Variants in CDC14C observed in about 807,000 individuals in gnomAD.
CDC14C encodes dual specificity protein phosphatase CDC14C.
CDC14C carries 19 observed loss-of-function variants against 26.9 expected under a neutral mutation model. That is an observed-to-expected ratio of 0.71 (90% CI 0.49 to 1.04). The LOEUF (loss-of-function observed/expected upper bound fraction) is 1.04, where lower values mean the gene tolerates loss of function less well. Ranked by LOEUF, CDC14C falls within the 50% of genes least tolerant of loss-of-function variation. The pLI is 0.00. For missense variants in CDC14C, 423 were observed against 520.0 expected (o/e 0.81, Z 1.81); for synonymous variants, 185 against 180.1 (o/e 1.03, Z -0.22).
In CDC14C at chr7:48,924,625, C is replaced by T. The variant is rs1798849776; in HGVS notation, c.-48C>T. On this transcript the variant is annotated 5_prime_UTR_variant, in exon 1 of 1. Transcript: ENST00000650262. The stretch of plus-strand genomic sequence containing the variant: ...GGGGCGGTCGAGCTGGGCCGCCGCG[C>T]CCCACTGCTCGCCGCGCTGCTCTTT... The T allele has an allele frequency of 3.0e-6, 3 of 1,002,334 alleles. No homozygotes were observed. Among genetic ancestry groups the T allele is most frequent in the African/African-American group, 1.6e-5 (1 of 62,214 alleles). 62.1% of individuals were successfully genotyped at this position (1,002,334 alleles called of 1,614,324 possible).
Position 48,926,027 on chromosome 7 carries a change from T to C in CDC14C, c.*11T>C. ...ATCCTGCTATTCTGACTCAAAGATT[T>C]CAGAACATAGTAGCCATCAGGACCC... On this transcript the variant is annotated 3_prime_UTR_variant, in exon 1 of 1. Transcript: ENST00000650262. The C allele has an allele frequency of 1.3e-6, 1 of 744,622 alleles. No homozygotes were observed. 46.1% of individuals were successfully genotyped at this position (744,622 alleles called of 1,614,324 possible).
In CDC14C at chr7:48,926,775, A is replaced by G. The variant is rs1798899071; in HGVS notation, c.*759A>G. Among the ~76,000 whole-genome samples, 6 of 148,356 alleles carry G rather than the reference A, an allele frequency of 4.0e-5. No individual in the cohort carries two copies. The South Asian group carries it at 1.3e-3, about 32-fold the overall frequency. ...TTTATTTATGGCCAGTTTTGGGGCCAGTTTATGGCTGGATTTTGGGGGGCT... is the reference window on the plus strand; with the variant it reads ...TTTATTTATGGCCAGTTTTGGGGCCGGTTTATGGCTGGATTTTGGGGGGCT... On this transcript the variant is annotated 3_prime_UTR_variant, in exon 1 of 1. Transcript: ENST00000650262.
chr7:48,924,861 T>C lies in CDC14C; in HGVS notation c.189T>C (p.Asn63=). 6.9e-7 allele frequency: 1 copy of C among 1,457,758 alleles called. No individual in the cohort carries two copies. Among genetic ancestry groups the C allele is most frequent in the Non-Finnish European group, 9.6e-7 (1 of 1,037,550 alleles). The allele number at this position is 1,457,758 out of a possible 1,614,324, so 90.3% of individuals were successfully genotyped here. ...TCTCCGAAGACTTTGGACCACTCAA[T>C]CTGGCAATGGTTTACAGATATTGTT... is the stretch of plus-strand genomic sequence containing the variant. ...ENFSEDFGPL[N]LAMVYRYCCK... The change falls in exon 1 of 1, where the codon AAT becomes AAC. Residue 63 remains asparagine (N), a synonymous_variant. Transcript: ENST00000650262.
Position 48,925,070 on chromosome 7 carries a change from T to G in CDC14C, c.398T>G (p.Ile133Ser), listed in dbSNP as rs1449155557. Residue 133 changes from isoleucine (I) to serine (S), a missense_variant, in exon 1 of 1, where the codon ATT becomes AGT. Ile to Ser is a moderately radical substitution (Grantham distance 142, BLOSUM62 -2). Coordinates refer to ENST00000650262, the MANE Select transcript of CDC14C (RefSeq NM_152627.3). Reference protein sequence around the residue: ...RILIFGDTPYIPFRDAAYGSC... With the variant: ...RILIFGDTPYSPFRDAAYGSC... Reference sequence around the variant, plus strand: ...TTAATCTTTGGAGATACACCCTATATTCCTTTCAGAGATGCTGCCTATGGA... The same window carrying G: ...TTAATCTTTGGAGATACACCCTATAGTCCTTTCAGAGATGCTGCCTATGGA... 6.6e-7 allele frequency: 1 copy of G among 1,520,860 alleles called. No homozygotes were observed. The allele number at this position is 1,520,860 out of a possible 1,614,324, so 94.2% of individuals were successfully genotyped here. A position where few individuals can be genotyped will look rare whatever the true frequency, so the allele number is the denominator to read the frequency against.
Position 48,925,148 on chromosome 7 carries a change from C to G in CDC14C, c.476C>G (p.Ala159Gly). 1 of 1,532,464 alleles carries G rather than the reference C, an allele frequency of 6.5e-7. No individual in the cohort carries two copies. Among genetic ancestry groups the G allele is most frequent in the Non-Finnish European group, 9.0e-7 (1 of 1,105,732 alleles). 94.9% of individuals were successfully genotyped at this position (1,532,464 alleles called of 1,614,324 possible). A position where few individuals can be genotyped will look rare whatever the true frequency, so the allele number is the denominator to read the frequency against. ...LLDCFHAVKKAMQYGFLNFNS... is the reference protein window; with the variant it reads ...LLDCFHAVKKGMQYGFLNFNS... ...GACTGTTTTCATGCAGTAAAGAAGG[C>G]AATGCAGTATGGCTTCCTTAATTTC... The change falls in exon 1 of 1, where the codon GCA becomes GGA. Residue 159 changes from alanine (A) to glycine (G), a missense_variant. By Grantham distance (60) the Ala-to-Gly change is moderately conservative. Around this residue, in one of 3 missense-constraint regions of CDC14C, gnomAD observed 310 missense variants for 356.8 expected, o/e 0.87. Transcript: ENST00000650262.
chr7:48,924,599 A>G lies in CDC14C; in HGVS notation c.-74A>G, dbSNP rs567564540. On this transcript the variant is annotated 5_prime_UTR_variant, in exon 1 of 1. Coordinates refer to ENST00000650262, the MANE Select transcript of CDC14C (RefSeq NM_152627.3). ...GCGGCCTCCAGGAAGCGGAAAAGCA[A>G]GGGGCGGTCGAGCTGGGCCGCCGCG... 3 of 854,330 alleles carry G rather than the reference A, an allele frequency of 3.5e-6. No homozygotes were observed. The South Asian group carries it at 4.7e-5, about 13-fold the overall frequency. The allele number at this position is 854,330 out of a possible 1,614,324, so 52.9% of individuals were successfully genotyped here. A position where few individuals can be genotyped will look rare whatever the true frequency, so the allele number is the denominator to read the frequency against.
At position 48,926,100 on chromosome 7, in the gene CDC14C, G is replaced by T. The variant is rs187491647; in HGVS notation, c.*84G>T. ...CCATTTCAAGGACTAAAATGGTTTT[G>T]CATTAAGTAAAAACCTGTGACCAGA... On this transcript the variant is annotated 3_prime_UTR_variant, in exon 1 of 1. Transcript: ENST00000650262. The T allele has an allele frequency of 5.2e-4, 367 of 712,368 alleles. 1 individual carries two copies. In the African/African-American group the frequency reaches 5.8e-3, roughly 11 times the overall value. 44.1% of individuals were successfully genotyped at this position (712,368 alleles called of 1,614,324 possible). A position where few individuals can be genotyped will look rare whatever the true frequency, so the allele number is the denominator to read the frequency against.
rs755507532 is a variant in CDC14C, at chr7:48,925,809, C to T, written c.1137C>T (p.Asp379=). 3.5e-5 allele frequency: 30 copies of T among 850,904 alleles called. No individual in the cohort carries two copies. The highest frequency in any genetic ancestry group is 5.4e-5 in the Non-Finnish European group (26 of 483,730). 52.7% of individuals were successfully genotyped at this position (850,904 alleles called of 1,614,324 possible). ...DISINGVENQ[D]QQEPKPYSDD... ...CCATAAATGGGGTCGAGAATCAAGA[C>T]CAGCAAGAACCCAAACCTTACAGTG... Residue 379 remains aspartate, a synonymous_variant, in exon 1 of 1, where the codon GAC becomes GAT. Coordinates refer to ENST00000650262, the MANE Select transcript of CDC14C (RefSeq NM_152627.3).
rs1366829375 is a variant in CDC14C, at chr7:48,925,510, A to T, written c.838A>T (p.Ile280Phe). Residue 280 changes from isoleucine to phenylalanine, a missense_variant, in exon 1 of 1, where the codon ATT (isoleucine) becomes TTT (phenylalanine). Around this residue, in one of 3 missense-constraint regions of CDC14C, gnomAD observed 22 missense variants for 69.1 expected, o/e 0.32. Transcript: ENST00000650262. ...TATCTGTGAAAATGCTGAGGGTGCC[A>T]TTGCAGTACATTGTAAAGCTGGCCT... ...LDICENAEGA[I>F]AVHCKAGLGR... 1.5e-5 allele frequency: 24 copies of T among 1,585,666 alleles called. No individual in the cohort carries two copies. Among genetic ancestry groups the T allele is most frequent in the Non-Finnish European group, 2.0e-5 (23 of 1,154,970 alleles).
Position 48,926,052 on chromosome 7 carries a change from C to T in CDC14C, c.*36C>T. On this transcript the variant is annotated 3_prime_UTR_variant, in exon 1 of 1. Transcript: ENST00000650262. ...TCAGAACATAGTAGCCATCAGGACC[C>T]CCTGACAGATAGCTGCTTCTCTCCA... is the stretch of plus-strand genomic sequence containing the variant. The T allele has an allele frequency of 2.7e-6, 2 of 734,604 alleles. No homozygotes were observed. The highest frequency in any genetic ancestry group is 2.5e-6 in the Non-Finnish European group (1 of 393,206). 45.5% of individuals were successfully genotyped at this position (734,604 alleles called of 1,614,324 possible). A position where few individuals can be genotyped will look rare whatever the true frequency, so the allele number is the denominator to read the frequency against.
In CDC14C at chr7:48,926,605, T is replaced by C. The variant is rs1024374931; in HGVS notation, c.*589T>C. ...CTTAAGGCACAGATGGCTCATGCTA[T>C]TGTTTGTGGCTTAAGAATGCCTTTA... On this transcript the variant is annotated 3_prime_UTR_variant, in exon 1 of 1. Transcript: ENST00000650262. 3.9e-5 allele frequency among the ~76,000 whole-genome samples: 6 copies of C among 152,014 alleles called. No homozygotes were observed. Among genetic ancestry groups the C allele is most frequent in the African/African-American group, 1.4e-4 (6 of 41,406 alleles).
rs556969802 is a variant in CDC14C, at chr7:48,924,666, G to A, written c.-7G>A. On this transcript the variant is annotated 5_prime_UTR_variant, in exon 1 of 1. Transcript: ENST00000650262. ...GCTGCTCTTTGACCTCGCAGGGTGT[G>A]AAGAAGATGCGCAGCTCCACGCTGC... 129 of 1,115,278 alleles carry A rather than the reference G, an allele frequency of 1.2e-4. No homozygotes were observed. The African/African-American group carries it at 1.8e-3, about 16-fold the overall frequency. 69.1% of individuals were successfully genotyped at this position (1,115,278 alleles called of 1,614,324 possible).
In CDC14C at chr7:48,924,641, G is replaced by T. The variant is rs765315252; in HGVS notation, c.-32G>T. ...GCCGCCGCGCCCCACTGCTCGCCGCGCTGCTCTTTGACCTCGCAGGGTGTG... is the reference window on the plus strand; with the variant it reads ...GCCGCCGCGCCCCACTGCTCGCCGCTCTGCTCTTTGACCTCGCAGGGTGTG... On this transcript the variant is annotated 5_prime_UTR_variant, in exon 1 of 1. Transcript: ENST00000650262. 3.1e-5 allele frequency: 33 copies of T among 1,059,290 alleles called. No homozygotes were observed. The East Asian group carries it at 4.3e-4, about 14-fold the overall frequency. The allele number at this position is 1,059,290 out of a possible 1,614,324, so 65.6% of individuals were successfully genotyped here. A position where few individuals can be genotyped will look rare whatever the true frequency, so the allele number is the denominator to read the frequency against.
chr7:48,925,368 T>G lies in CDC14C; in HGVS notation c.696T>G (p.Arg232=), dbSNP rs968468146. Residue 232 remains arginine, a synonymous_variant, in exon 1 of 1, where the codon CGT becomes CGG. Transcript: ENST00000650262. ...FKNHNVTTII[R]LNKRMYDAKR... ...ATCACAATGTTACTACCATTATTCG[T>G]CTGAATAAAAGGATGTATGATGCCA... is the stretch of plus-strand genomic sequence containing the variant. The G allele has an allele frequency of 2.5e-6, 4 of 1,609,774 alleles. No homozygotes were observed. The highest frequency in any genetic ancestry group is 1.7e-6 in the Non-Finnish European group (2 of 1,176,036).
chr7:48,927,321 G>A lies in CDC14C; in HGVS notation c.*1305G>A, dbSNP rs917701732. 9.2e-5 allele frequency among the ~76,000 whole-genome samples: 14 copies of A among 152,322 alleles called. No homozygotes were observed. Among genetic ancestry groups the A allele is most frequent in the African/African-American group, 2.6e-4 (11 of 41,570 alleles). On this transcript the variant is annotated 3_prime_UTR_variant, in exon 1 of 1. Coordinates refer to ENST00000650262, the MANE Select transcript of CDC14C (RefSeq NM_152627.3). ...AGTGGTAGCTTTAGAAGACTCAGGA[G>A]GAGAAACTGACTTCAGAGCTGGAAG...
chr7:48,926,033 C>A lies in CDC14C; in HGVS notation c.*17C>A, dbSNP rs773993456. The A allele has an allele frequency of 1.3e-6, 1 of 740,808 alleles. No homozygotes were observed. Among genetic ancestry groups the A allele is most frequent in the Non-Finnish European group, 2.5e-6 (1 of 396,420 alleles). 45.9% of individuals were successfully genotyped at this position (740,808 alleles called of 1,614,324 possible). A position where few individuals can be genotyped will look rare whatever the true frequency, so the allele number is the denominator to read the frequency against. ...CTATTCTGACTCAAAGATTTCAGAACATAGTAGCCATCAGGACCCCCTGAC... is the reference window on the plus strand; with the variant it reads ...CTATTCTGACTCAAAGATTTCAGAAAATAGTAGCCATCAGGACCCCCTGAC... On this transcript the variant is annotated 3_prime_UTR_variant, in exon 1 of 1. Transcript: ENST00000650262.
rs1209832941 is a variant in CDC14C, at chr7:48,925,349, A to G, written c.677A>G (p.Asn226Ser). 4 of 1,609,694 alleles carry G rather than the reference A, an allele frequency of 2.5e-6. No individual in the cohort carries two copies. Among genetic ancestry groups the G allele is most frequent in the African/African-American group, 1.3e-5 (1 of 74,864 alleles). The change falls in exon 1 of 1, where the codon AAT (asparagine) becomes AGT (serine). Residue 226 changes from asparagine (N) to serine (S), a missense_variant. Coordinates refer to ENST00000650262, the MANE Select transcript of CDC14C (RefSeq NM_152627.3). ...ETYIQYFKNH[N>S]VTTIIRLNKR... ...TATATTCAATATTTTAAGAATCACA[A>G]TGTTACTACCATTATTCGTCTGAAT...
In CDC14C at chr7:48,925,919, T is replaced by G; in HGVS notation, c.1247T>G (p.Leu416Arg). 2 of 777,364 alleles carry G rather than the reference T, an allele frequency of 2.6e-6. No homozygotes were observed. The highest frequency in any genetic ancestry group is 4.8e-6 in the Non-Finnish European group (2 of 419,544). 48.2% of individuals were successfully genotyped at this position (777,364 alleles called of 1,614,324 possible). The change falls in exon 1 of 1, where the codon CTT becomes CGT. Residue 416 changes from leucine (L) to arginine (R), a missense_variant. Transcript: ENST00000650262. ...AGACAATCAAAAACAAACGATATTC[T>G]TCTCCCATCTCCCCTGGCTGTGCTG... ...RRRQSKTNDI[L>R]LPSPLAVLTF... is the part of the protein sequence containing the mutation.
chr7:48,924,615 G>A lies in CDC14C; in HGVS notation c.-58G>A. 1 of 846,496 alleles carries A rather than the reference G, an allele frequency of 1.2e-6. No individual in the cohort carries two copies. Among genetic ancestry groups the A allele is most frequent in the Admixed American group, 2.6e-5 (1 of 38,866 alleles). 52.4% of individuals were successfully genotyped at this position (846,496 alleles called of 1,614,324 possible). A position where few individuals can be genotyped will look rare whatever the true frequency, so the allele number is the denominator to read the frequency against. On this transcript the variant is annotated 5_prime_UTR_variant, in exon 1 of 1. Transcript: ENST00000650262. ...GGAAAAGCAAGGGGCGGTCGAGCTG[G>A]GCCGCCGCGCCCCACTGCTCGCCGC... is the stretch of plus-strand genomic sequence containing the variant.
Sources: gnomAD v4.1 joint callset for allele counts (sites outside exome capture counted in the v4.1 genomes callset) on GRCh38, gnomAD v4.1.1 for gene constraint, gnomAD v4.1.1 regional missense constraint, MANE v1.5 for transcripts, NCBI Gene and HGNC (gene_info 2026-07-23, HGNC 2026-07-21) for gene names.